PHYHIPL: variants seen among roughly 807,000 people sequenced by gnomAD.
PHYHIPL encodes phytanoyl-CoA 2-hydroxylase interacting protein like, also known as phytanoyl-CoA hydroxylase-interacting protein-like.
PHYHIPL carries 9 observed loss-of-function variants against 33.4 expected under a neutral mutation model. That is an observed-to-expected ratio of 0.27 (90% CI 0.16 to 0.47). PHYHIPL has a LOEUF of 0.47. Ranked by LOEUF, PHYHIPL falls within the 20% of genes least tolerant of loss-of-function variation. The pLI is 0.99. For missense variants in PHYHIPL, 365 were observed against 460.7 expected (o/e 0.79, Z 1.90); for synonymous variants, 153 against 154.1 (o/e 0.99, Z 0.05).
chr10:59,195,419 T>G (rs943400615), intron 1 of PHYHIPL, among the ~76,000 whole-genome samples: 1 of 152,226 alleles, frequency 6.6e-6, no homozygotes, highest in African/African-American at 2.4e-5. Flanking sequence ...TTAGGTTTGA[T>G]GAAGAGTGGA....
chr10:59,239,101 T>C (rs866385308), intron 4 of PHYHIPL, among the ~76,000 whole-genome samples: 5 of 151,956 alleles, frequency 3.3e-5, no homozygotes, highest in African/African-American at 1.2e-4. Context: ...TAATGAAATA[T>C]TATGGTGAAT....
At chr10:59,185,578 G>A (rs928965778) in intron 1 of PHYHIPL, among the ~76,000 whole-genome samples, 3 of 151,720 alleles carry the variant, frequency 2.0e-5, no homozygotes, top group Admixed American at 1.3e-4. Context: ...TACAGTCCCA[G>A]CAACAGTGTA....
chr10:59,224,767 T>C (rs1426356854), intron 1 of PHYHIPL, among the ~76,000 whole-genome samples: 1 of 152,158 alleles, frequency 6.6e-6, no homozygotes, highest in African/African-American at 2.4e-5. Context: ...AATATGGTTT[T>C]CTTTTTGCTC....
intron 1 of PHYHIPL, among the ~76,000 whole-genome samples, chr10:59,205,209 T>C (rs1311246350): frequency 1.3e-5 from 2 of 152,178 alleles, no homozygotes; most frequent in Non-Finnish European, 2.9e-5. Context: ...TTCACTAAAA[T>C]AAGATAAAAT....
intron 1 of PHYHIPL, among the ~76,000 whole-genome samples, chr10:59,222,387 A>G (rs540100796): frequency 6.6e-6 from 1 of 152,174 alleles, no homozygotes; most frequent in South Asian, 2.1e-4. Flanking sequence ...ATGCATAGAA[A>G]AGAGGTAATA....
chr10:59,177,254 C>A (rs1388790965), intron 1 of PHYHIPL: 8 of 595,464 alleles, frequency 1.3e-5, no homozygotes, highest in Admixed American at 3.4e-5. Flanking sequence ...GCGGCTCCTG[C>A]CCCGACGAGG....
intron 1 of PHYHIPL, among the ~76,000 whole-genome samples, chr10:59,192,126 A>G (rs139218794): frequency 5.2e-4 from 79 of 152,246 alleles, no homozygotes; most frequent in Non-Finnish European, 1.0e-3. Flanking sequence ...ACATGGTGCC[A>G]TTTTGTGCAC....
intron 1 of PHYHIPL, among the ~76,000 whole-genome samples, chr10:59,209,632 G>A (rs1000305234): frequency 2.6e-5 from 4 of 151,890 alleles, no homozygotes; most frequent in African/African-American, 9.7e-5. Flanking sequence ...ACACAGACTG[G>A]CAAATTGGAG....
At chr10:59,199,342 G>A (rs1019630819) in intron 1 of PHYHIPL, among the ~76,000 whole-genome samples, 47 of 152,126 alleles carry the variant, frequency 3.1e-4, no homozygotes, top group African/African-American at 1.1e-3. Flanking sequence ...GTTTTTGTCA[G>A]GTTTGTCAAA....
chr10:59,186,573 C>G (rs530043886), intron 1 of PHYHIPL, among the ~76,000 whole-genome samples: 2 of 152,016 alleles, frequency 1.3e-5, no homozygotes, highest in African/African-American at 4.8e-5. Context: ...GCCATTTTCA[C>G]GATATTGATT....
In PHYHIPL at chr10:59,176,686, C is replaced by A. The variant is rs1304841598; in HGVS notation, c.-168C>A. On this transcript the variant is annotated 5_prime_UTR_variant, in exon 1 of 5. Transcript: ENST00000373880. Reference sequence around the variant, plus strand: ...GAGCTCCTGCCACAGCCGTCGCCTTCGCGGCGGCTCTCCAGCCCCGCGCCT... The same window carrying A: ...GAGCTCCTGCCACAGCCGTCGCCTTAGCGGCGGCTCTCCAGCCCCGCGCCT... The A allele has an allele frequency of 5.0e-6, 3 of 598,826 alleles. No homozygotes were observed. The East Asian group carries it at 9.1e-5, about 18-fold the overall frequency. The allele number at this position is 598,826 out of a possible 1,614,324, so 37.1% of individuals were successfully genotyped here.
At chr10:59,199,406 A>G (rs1250519246) in intron 1 of PHYHIPL, among the ~76,000 whole-genome samples, 1 of 151,920 alleles carries the variant, frequency 6.6e-6, no homozygotes, top group Non-Finnish European at 1.5e-5. Context: ...GTTCTGTTCC[A>G]TTGGTCTCTA....
intron 1 of PHYHIPL, among the ~76,000 whole-genome samples, chr10:59,192,846 A>G (rs1838817548): frequency 6.6e-6 from 1 of 152,156 alleles, no homozygotes; most frequent in South Asian, 2.1e-4. Flanking sequence ...TGGGGGGAAT[A>G]TTAAAGAGTA....
chr10:59,238,110 TA>T (rs1036449350), intron 3 of PHYHIPL, among the ~76,000 whole-genome samples: 10 of 151,878 alleles, frequency 6.6e-5, no homozygotes, highest in Middle Eastern at 3.4e-3. Context: ...AAAAGTGGGT[TA>T]AAAAAAATCA....
At chr10:59,229,920 T>A (rs1840029161) in intron 1 of PHYHIPL, among the ~76,000 whole-genome samples, 1 of 152,170 alleles carries the variant, frequency 6.6e-6, no homozygotes, top group Non-Finnish European at 1.5e-5. Context: ...CCACAAGGAC[T>A]CAAATATAGA....
Position 59,186,280 on chromosome 10 carries a change from A to G in PHYHIPL, c.106+9321A>G, listed in dbSNP as rs180928814. ...TGTCAAAGATCAGATAGTTGTAGATATGTGGCATTATTTCTGAGGCCTCTG... is the reference window on the plus strand; with the variant it reads ...TGTCAAAGATCAGATAGTTGTAGATGTGTGGCATTATTTCTGAGGCCTCTG... On this transcript the variant is annotated intron_variant, in intron 1 of 4. Coordinates refer to ENST00000373880, the MANE Select transcript of PHYHIPL (RefSeq NM_032439.4). 4.9e-4 allele frequency among the ~76,000 whole-genome samples: 74 copies of G among 152,218 alleles called. 2 individuals carry two copies. In the East Asian group the frequency reaches 0.014, roughly 28 times the overall value.
At chr10:59,174,335 T>G (rs1838216273), upstream of PHYHIPL, among the ~76,000 whole-genome samples, 1 of 152,172 alleles carries the variant, frequency 6.6e-6, no homozygotes, top group Non-Finnish European at 1.5e-5. Flanking sequence ...TATCAATCTC[T>G]GACTAAATCC....
intron 1 of PHYHIPL, among the ~76,000 whole-genome samples, chr10:59,191,126 C>CT (rs1838772939): frequency 6.6e-6 from 1 of 151,750 alleles, no homozygotes; most frequent in African/African-American, 2.4e-5. Context: ...ACATTTTCTT[C>CT]TCCATTGTGT....
chr10:59,187,232 T>C (rs2133191827), intron 1 of PHYHIPL, among the ~76,000 whole-genome samples: 1 of 152,346 alleles, frequency 6.6e-6, no homozygotes, highest in South Asian at 2.1e-4. Flanking sequence ...CATGTGGTTT[T>C]TATCTTTGGT....
Sources: allele counts gnomAD v4.1 joint callset (sites outside exome capture counted in the v4.1 genomes callset), GRCh38; gene constraint gnomAD v4.1.1; transcripts MANE v1.5; gene names NCBI Gene and HGNC (gene_info 2026-07-23, HGNC 2026-07-21).